Variants in PHIP observed in about 807,000 individuals in gnomAD.
PHIP encodes PH-interacting protein.
PHIP carries 54 observed loss-of-function variants against 236.8 expected under a neutral mutation model. The observed-to-expected ratio is 0.23, with a 90% CI of 0.18 to 0.29. PHIP has a LOEUF of 0.29. Ranked by LOEUF, PHIP falls within the 10% of genes least tolerant of loss-of-function variation. The pLI is 1.00. For missense variants in PHIP, 1,370 were observed against 2,190.8 expected (o/e 0.63, Z 7.48); for synonymous variants, 756 against 718.9 (o/e 1.05, Z -0.83).
At chr6:78,944,603 T>C (rs1773702355) in intron 39 of PHIP, among the ~76,000 whole-genome samples, 1 of 152,202 alleles carries the variant, frequency 6.6e-6, no homozygotes, top group Non-Finnish European at 1.5e-5. Context: ...AAGGCTAGGA[T>C]GACTCCCTGA....
At chr6:79,000,655 G>A (rs1769926080) in intron 17 of PHIP, among the ~76,000 whole-genome samples, 1 of 151,940 alleles carries the variant, frequency 6.6e-6, no homozygotes, top group Non-Finnish European at 1.5e-5. Context: ...TCCTCTCCGA[G>A]AGACTGAAGA....
chr6:79,052,307 G>C (rs532616046), intron 6 of PHIP, among the ~76,000 whole-genome samples: 5 of 152,298 alleles, frequency 3.3e-5, no homozygotes, highest in Admixed American at 3.3e-4. Flanking sequence ...AACAGCATGT[G>C]CAATAGCCTG....
At chr6:79,036,714 G>A (rs1424311425) in intron 7 of PHIP, among the ~76,000 whole-genome samples, 4 of 151,992 alleles carry the variant, frequency 2.6e-5, no homozygotes, top group African/African-American at 9.7e-5. Flanking sequence ...GAGGTCAGGA[G>A]ATCGAGACCA....
intron 24 of PHIP, among the ~76,000 whole-genome samples, chr6:78,977,393 G>C (rs1360297508): frequency 6.6e-6 from 1 of 152,012 alleles, no homozygotes; most frequent in Non-Finnish European, 1.5e-5. Context: ...GGGGACGGGG[G>C]AGGGATAGCA....
At chr6:78,967,877 G>A (rs200354404) in intron 27 of PHIP, among the ~76,000 whole-genome samples, 1 of 152,128 alleles carries the variant, frequency 6.6e-6, no homozygotes, top group African/African-American at 2.4e-5. Context: ...GCTCATGCCT[G>A]TAATCCTAGC....
At chr6:78,967,662 A>G (rs1767231607) in intron 27 of PHIP, among the ~76,000 whole-genome samples, 2 of 152,242 alleles carry the variant, frequency 1.3e-5, no homozygotes, top group South Asian at 4.1e-4. Flanking sequence ...ATAAATTAGA[A>G]TAAAATTGTA....
chr6:79,069,921 C>T (rs1228158242), intron 4 of PHIP, among the ~76,000 whole-genome samples: 1 of 151,942 alleles, frequency 6.6e-6, no homozygotes, highest in African/African-American at 2.4e-5. Context: ...ATTCAGTTTA[C>T]ATTATCAATA....
chr6:79,012,101 T>C (rs1398029324), intron 15 of PHIP, among the ~76,000 whole-genome samples: 1 of 151,664 alleles, frequency 6.6e-6, no homozygotes, highest in Non-Finnish European at 1.5e-5. Flanking sequence ...AATTTACATT[T>C]CCATAATTAC....
At chr6:79,003,235 C>T (rs1221751517) in intron 16 of PHIP, among the ~76,000 whole-genome samples, 1 of 151,978 alleles carries the variant, frequency 6.6e-6, no homozygotes, top group Non-Finnish European at 1.5e-5. Flanking sequence ...TGAGACATTT[C>T]ACCCCTACTC....
At chr6:79,050,891 T>C (rs537115077) in intron 6 of PHIP, among the ~76,000 whole-genome samples, 291 of 152,292 alleles carry the variant, frequency 1.9e-3, no homozygotes, top group Non-Finnish European at 3.2e-3. Context: ...AAGAAATAAT[T>C]CACATCAGTT....
At chr6:79,031,939 T>C (rs548553402) in intron 7 of PHIP, among the ~76,000 whole-genome samples, 33 of 152,284 alleles carry the variant, frequency 2.2e-4, no homozygotes, top group African/African-American at 7.7e-4. Context: ...TAAAAACAAA[T>C]ATAGTCATAC....
At chr6:78,979,237 A>G (rs893934923) in intron 23 of PHIP, among the ~76,000 whole-genome samples, 1 of 152,038 alleles carries the variant, frequency 6.6e-6, no homozygotes, top group African/African-American at 2.4e-5. Flanking sequence ...GAGTTATTCA[A>G]TCTCTCCAAA....
intron 23 of PHIP, among the ~76,000 whole-genome samples, chr6:78,978,989 A>C (rs1768317990): frequency 6.6e-6 from 1 of 152,136 alleles, no homozygotes; most frequent in Non-Finnish European, 1.5e-5. Context: ...CACAAATAAA[A>C]TGATGTGTAG....
intron 23 of PHIP, among the ~76,000 whole-genome samples, chr6:78,979,760 TAA>T (rs1411001920): frequency 1.3e-5 from 2 of 152,250 alleles, no homozygotes; most frequent in Admixed American, 1.3e-4. Flanking sequence ...GATTGTACAC[TAA>T]GACTGCTACA....
chr6:79,045,080 T>C (rs977305502), intron 6 of PHIP, among the ~76,000 whole-genome samples: 15 of 152,218 alleles, frequency 9.9e-5, no homozygotes, highest in Non-Finnish European at 1.8e-4. Context: ...CCCTTTGTAA[T>C]GCTTAGCTAC....
At chr6:78,943,957 G>A (rs2127680339) in intron 39 of PHIP, among the ~76,000 whole-genome samples, 1 of 127,786 alleles carries the variant, frequency 7.8e-6, no homozygotes, top group Non-Finnish European at 1.6e-5. Flanking sequence ...TTGCACTTCA[G>A]CCTCGGTGAC....
chr6:79,003,946 C>A, intron 15 of PHIP, 88 bp from the exon 16 acceptor site: 1 of 803,236 alleles, frequency 1.2e-6, no homozygotes, highest in Non-Finnish European at 1.9e-6. Context: ...AAGATAAAAG[C>A]ATACATCCTA....
intron 6 of PHIP, among the ~76,000 whole-genome samples, chr6:79,056,730 T>G (rs946886882): frequency 2.0e-5 from 3 of 152,014 alleles, no homozygotes; most frequent in African/African-American, 4.8e-5. Context: ...AAAACCCTGG[T>G]TAGAATCTGA....
chr6:78,977,381 TG>T (rs1355682121), intron 24 of PHIP, among the ~76,000 whole-genome samples: 2 of 143,598 alleles, frequency 1.4e-5, no homozygotes, highest in Non-Finnish European at 3.0e-5. Context: ...TGTTGTGGGG[TG>T]GGGGACGGGG....
Sources: gnomAD v4.1 joint callset for allele counts (sites outside exome capture counted in the v4.1 genomes callset) on GRCh38, gnomAD v4.1.1 for gene constraint, MANE v1.5 for transcripts, NCBI Gene and HGNC (gene_info 2026-07-23, HGNC 2026-07-21) for gene names.